The following TWIST2 variants were observed in gnomAD, a reference collection of about 807,000 sequenced individuals.
TWIST2 encodes twist-related protein 2.
TWIST2 carries 1 observed loss-of-function variant against 11.6 expected under a neutral mutation model. The ratio of observed to expected loss-of-function variants is 0.09; its 90% CI spans 0.03 to 0.41. The LOEUF (loss-of-function observed/expected upper bound fraction) is 0.41, where lower values mean the gene tolerates loss of function less well. TWIST2 is among the 10% of genes least tolerant of loss of function. TWIST2 has a pLI of 0.98. For synonymous variants in TWIST2, 87 were observed against 96.6 expected (o/e 0.90, Z 0.58); for missense variants, 168 against 226.4 (o/e 0.74, Z 1.66).
At chr2:238,895,515 A>G (rs1020896508) in intron 1 of TWIST2, among the ~76,000 whole-genome samples, 1,649 of 152,340 alleles carry the variant, frequency 0.011, 37 homozygotes, top group African/African-American at 0.037. Context: ...ACGGGTTGAA[A>G]GGGTTCCTGG....
chr2:238,895,413 G>A (rs1037314487), intron 1 of TWIST2, among the ~76,000 whole-genome samples: 89 of 152,342 alleles, frequency 5.8e-4, no homozygotes, highest in Non-Finnish European at 1.1e-3. Context: ...AGCTGGAAAC[G>A]GGGCCCGCAG....
At chr2:238,890,906 A>C (rs3923767) in intron 1 of TWIST2, among the ~76,000 whole-genome samples, 54,740 of 151,784 alleles carry the variant, frequency 0.36, 10,317 homozygotes, top group Admixed American at 0.42. Context: ...GCACTGAGAC[A>C]CTCGACTCCT....
chr2:238,907,414 G>C (rs1379037453), intron 1 of TWIST2, among the ~76,000 whole-genome samples: 1 of 152,176 alleles, frequency 6.6e-6, no homozygotes, highest in Admixed American at 6.5e-5. Context: ...CTTTCCTCCT[G>C]CCTGTGTCTC....
At chr2:238,909,082 G>A (rs970106325) in intron 1 of TWIST2, among the ~76,000 whole-genome samples, 69 of 150,970 alleles carry the variant, frequency 4.6e-4, no homozygotes, top group African/African-American at 1.6e-3. Flanking sequence ...TGTGGGGTGT[G>A]TGTAGTGTGT....
chr2:238,899,616 C>A (rs959663560), intron 1 of TWIST2, among the ~76,000 whole-genome samples: 22 of 152,252 alleles, frequency 1.4e-4, no homozygotes, highest in Non-Finnish European at 3.2e-4. Context: ...ACACACCCCT[C>A]TCTGTGCCCA....
intron 1 of TWIST2, among the ~76,000 whole-genome samples, chr2:238,868,666 G>C (rs1036227483): frequency 2.0e-5 from 3 of 152,214 alleles, no homozygotes; most frequent in African/African-American, 7.2e-5. Context: ...CGTGTTCCAA[G>C]GTTGGTGACT....
chr2:238,899,567 G>C (rs1447599611), intron 1 of TWIST2, among the ~76,000 whole-genome samples: 1 of 152,160 alleles, frequency 6.6e-6, no homozygotes, highest in Non-Finnish European at 1.5e-5. Context: ...TCCAGGGCCC[G>C]TCTCAGGGAG....
intron 1 of TWIST2, among the ~76,000 whole-genome samples, chr2:238,906,555 A>G (rs1010162676): frequency 0.66 from 99,730 of 151,626 alleles, 33,960 homozygotes; most frequent in African/African-American, 0.85. Context: ...CTTACACGAT[A>G]CACATGCTCA....
intron 1 of TWIST2, among the ~76,000 whole-genome samples, chr2:238,902,153 A>T (rs1693274904): frequency 6.7e-6 from 1 of 150,092 alleles, no homozygotes. Context: ...CCCTGGCAGA[A>T]CCTCAGGGGT....
intron 1 of TWIST2, among the ~76,000 whole-genome samples, chr2:238,880,248 A>G (rs1049331069): frequency 4.4e-4 from 66 of 151,578 alleles, no homozygotes; most frequent in African/African-American, 1.2e-3. Flanking sequence ...TATTAGTGTT[A>G]GTATTTATTG....
intron 1 of TWIST2, among the ~76,000 whole-genome samples, chr2:238,854,184 G>A (rs536728681): frequency 8.5e-5 from 13 of 152,156 alleles, no homozygotes; most frequent in South Asian, 2.1e-4. Context: ...AAGAGCTTTC[G>A]GTTATCACAT....
chr2:238,894,122 A>T (rs1693179948), intron 1 of TWIST2, among the ~76,000 whole-genome samples: 2 of 151,630 alleles, frequency 1.3e-5, no homozygotes, highest in African/African-American at 4.8e-5. Context: ...AAGCATCTCA[A>T]CCTCTGTGCC....
intron 1 of TWIST2, among the ~76,000 whole-genome samples, chr2:238,891,998 A>T (rs2106369787): frequency 6.6e-6 from 1 of 152,210 alleles, no homozygotes; most frequent in African/African-American, 2.4e-5. Context: ...GCCGCTGACC[A>T]CTTATCCCTT....
At chr2:238,902,368 T>C (rs1693277763) in intron 1 of TWIST2, among the ~76,000 whole-genome samples, 1 of 150,120 alleles carries the variant, frequency 6.7e-6, no homozygotes, top group South Asian at 2.1e-4. Context: ...TCGGAGTATG[T>C]GGTGTATGTA....
At chr2:238,861,706 T>C (rs557849429) in intron 1 of TWIST2, among the ~76,000 whole-genome samples, 19 of 152,332 alleles carry the variant, frequency 1.2e-4, no homozygotes, top group Middle Eastern at 3.4e-3. Flanking sequence ...TGAATCCCGT[T>C]ACAGCCGTCC....
chr2:238,898,050 G>A (rs1439127714), intron 1 of TWIST2, among the ~76,000 whole-genome samples: 3 of 152,210 alleles, frequency 2.0e-5, no homozygotes, highest in Non-Finnish European at 2.9e-5. Context: ...AGGCCCTCCT[G>A]CCTGCCTGAG....
chr2:238,870,117 A>G (rs868119537), intron 1 of TWIST2, among the ~76,000 whole-genome samples: 2 of 57,250 alleles, frequency 3.5e-5, no homozygotes, highest in African/African-American at 1.8e-4. Context: ...GACACACCAT[A>G]CACCCCCCAC....
At chr2:238,874,781 A>C (rs1692773151) in intron 1 of TWIST2, among the ~76,000 whole-genome samples, 3 of 152,052 alleles carry the variant, frequency 2.0e-5, no homozygotes, top group African/African-American at 7.2e-5. Context: ...GGCTCCCCAC[A>C]GCACTTGGGT....
intron 1 of TWIST2, among the ~76,000 whole-genome samples, chr2:238,849,645 G>A (rs1692207963): frequency 6.6e-6 from 1 of 152,198 alleles, no homozygotes; most frequent in African/African-American, 2.4e-5. Context: ...TGTGCGCGCC[G>A]GGCCCTGCGC....
Sources: gnomAD v4.1 joint callset for allele counts (sites outside exome capture counted in the v4.1 genomes callset) on GRCh38, gnomAD v4.1.1 for gene constraint, MANE v1.5 for transcripts, NCBI Gene and HGNC (gene_info 2026-07-23, HGNC 2026-07-21) for gene names.